The following BACE2 variants were observed in gnomAD, a reference collection of about 807,000 sequenced individuals.
The protein encoded by BACE2 is beta-secretase 2.
A neutral mutation model predicts 46.2 loss-of-function variants in BACE2; 17 were observed. That is an observed-to-expected ratio of 0.37 (90% CI 0.25 to 0.55). The LOEUF (loss-of-function observed/expected upper bound fraction) is 0.55, where lower values mean the gene tolerates loss of function less well. Ranked by LOEUF, BACE2 falls within the 20% of genes least tolerant of loss-of-function variation. BACE2 has a pLI of 0.82. For synonymous variants in BACE2, 277 were observed against 295.9 expected (o/e 0.94, Z 0.66); for missense variants, 595 against 698.1 (o/e 0.85, Z 1.66).
At chr21:41,187,641 T>C (rs1462761828) in intron 1 of BACE2, among the ~76,000 whole-genome samples, 1 of 152,232 alleles carries the variant, frequency 6.6e-6, no homozygotes, top group Non-Finnish European at 1.5e-5. Context: ...CATTGCTGTG[T>C]AGTTCCTTGA....
At chr21:41,169,840 T>C (rs996990730) in intron 1 of BACE2, among the ~76,000 whole-genome samples, 2 of 152,186 alleles carry the variant, frequency 1.3e-5, no homozygotes, top group Non-Finnish European at 2.9e-5. Flanking sequence ...TGAGTGATCT[T>C]TGCCATCTCC....
chr21:41,247,726 T>C (rs1466452248), intron 6 of BACE2, among the ~76,000 whole-genome samples: 1 of 152,178 alleles, frequency 6.6e-6, no homozygotes, highest in South Asian at 2.1e-4. Flanking sequence ...AACCACGAGG[T>C]AGAGGGAATG....
At chr21:41,233,637 A>G (rs968660171) in intron 2 of BACE2, among the ~76,000 whole-genome samples, 6 of 152,260 alleles carry the variant, frequency 3.9e-5, no homozygotes, top group Non-Finnish European at 8.8e-5. Context: ...AGGAAGTCAT[A>G]GCATTTTAGA....
At chr21:41,218,778 T>C in intron 1 of BACE2, among the ~76,000 whole-genome samples, 1 of 152,068 alleles carries the variant, frequency 6.6e-6, no homozygotes, top group Non-Finnish European at 1.5e-5. Context: ...CAAAAAGGCA[T>C]ATCATGAAAG....
chr21:41,250,723 G>A (rs1233857477), intron 6 of BACE2, 29 bp from the exon 7 acceptor site: 3 of 1,612,012 alleles, frequency 1.9e-6, no homozygotes, highest in Non-Finnish European at 1.7e-6. Context: ...GACTAGTCAT[G>A]GTTTCTGATG....
Position 41,226,290 on chromosome 21 carries a change from A to C in BACE2, c.337A>C (p.Ser113Arg). The C allele has an allele frequency of 6.2e-7, 1 of 1,614,024 alleles. No homozygotes were observed. The highest frequency in any genetic ancestry group is 8.5e-7 in the Non-Finnish European group (1 of 1,179,976). The change falls in exon 2 of 9, where the codon AGC (serine) becomes CGC (arginine). Residue 113 changes from serine (S) to arginine (R), a missense_variant. Ser to Arg is a moderately radical substitution (Grantham distance 110, BLOSUM62 -1). Around this residue, in one of 3 missense-constraint regions of BACE2, gnomAD observed 248 missense variants for 261.4 expected, o/e 0.95. Coordinates refer to ENST00000330333, the MANE Select transcript of BACE2 (RefSeq NM_012105.5). The part of the protein sequence containing the change: ...QKLQILVDTG[S>R]SNFAVAGTPH... ...GCTACAGATTCTCGTTGACACTGGA[A>C]GCAGTAACTTTGCCGTGGCAGGAAC...
At chr21:41,250,671 G>T in intron 6 of BACE2, 81 bp from the exon 7 acceptor site, 1 of 1,346,220 alleles carries the variant, frequency 7.4e-7, no homozygotes, top group African/African-American at 1.5e-5. Context: ...CATCTGGCGA[G>T]GTGGCTAGGA....
Position 41,193,102 on chromosome 21 carries a change from G to A in BACE2, c.312+24527G>A, listed in dbSNP as rs1372940871. Among the ~76,000 whole-genome samples the A allele has an allele frequency of 1.3e-5, 2 of 152,152 alleles. No individual in the cohort carries two copies. The highest frequency in any genetic ancestry group is 2.9e-5 in the Non-Finnish European group (2 of 68,028). Reference sequence around the variant, plus strand: ...TCAGCATAATGTCATCAAACTAATGGACCAGTGTGATATCTCGTGGAAACG... The same window carrying A: ...TCAGCATAATGTCATCAAACTAATGAACCAGTGTGATATCTCGTGGAAACG... On this transcript the variant is annotated intron_variant, in intron 1 of 8. Transcript: ENST00000330333. The surrounding 1 kb of genome is among the most constrained non-coding windows in gnomAD (Gnocchi z 4.2).
chr21:41,219,686 A>C (rs981518533), intron 1 of BACE2, among the ~76,000 whole-genome samples: 4 of 152,216 alleles, frequency 2.6e-5, no homozygotes, highest in African/African-American at 9.6e-5. Flanking sequence ...TGATACATGC[A>C]AGAATTACTC....
At chr21:41,188,186 A>C (rs73222246) in intron 1 of BACE2, among the ~76,000 whole-genome samples, 2,593 of 152,268 alleles carry the variant, frequency 0.017, 58 homozygotes, top group East Asian at 0.12. Context: ...GGCCGTGTTT[A>C]TAGAGAGTGG....
At chr21:41,239,290 C>G (rs1184428969) in intron 3 of BACE2, among the ~76,000 whole-genome samples, 1 of 152,192 alleles carries the variant, frequency 6.6e-6, no homozygotes, top group African/African-American at 2.4e-5. Context: ...TGAGAAGATA[C>G]AAGATAAGAT....
At chr21:41,176,618 T>C (rs1419047095) in intron 1 of BACE2, 1 of 152,190 alleles carries the variant, frequency 6.6e-6, no homozygotes, top group Non-Finnish European at 1.5e-5. Context: ...CTAGGTTAAG[T>C]GTTTCCTTCT....
chr21:41,238,954 T>TAAAAAAAAAAA (rs34474586), intron 3 of BACE2, among the ~76,000 whole-genome samples: 30 of 85,600 alleles, frequency 3.5e-4, no homozygotes, highest in Non-Finnish European at 4.6e-4. Flanking sequence ...AAAGTATAAT[T>TAAAAAAAAAAA]AAAAAAAAAA....
intron 1 of BACE2, among the ~76,000 whole-genome samples, chr21:41,201,938 T>A (rs1231029940): frequency 6.6e-6 from 1 of 152,210 alleles, no homozygotes; most frequent in African/African-American, 2.4e-5. Flanking sequence ...GTTTCAAAAC[T>A]TTGGTTGAAT....
chr21:41,220,857 A>G (rs1326879888), intron 1 of BACE2, among the ~76,000 whole-genome samples: 1 of 151,910 alleles, frequency 6.6e-6, no homozygotes, highest in Non-Finnish European at 1.5e-5. Context: ...TTCATTTACT[A>G]AAACGAAGAG....
intron 1 of BACE2, among the ~76,000 whole-genome samples, chr21:41,209,295 G>A (rs1480001154): frequency 2.6e-5 from 4 of 152,222 alleles, no homozygotes; most frequent in South Asian, 2.1e-4. Context: ...CCCTCCACTC[G>A]CCCGAGCCGG....
At chr21:41,265,724 C>A (rs1202924141) in intron 8 of BACE2, among the ~76,000 whole-genome samples, 1 of 152,062 alleles carries the variant, frequency 6.6e-6, no homozygotes, top group East Asian at 1.9e-4. Context: ...GAAAAAGAAC[C>A]TATAATTTCT....
intron 1 of BACE2, among the ~76,000 whole-genome samples, chr21:41,190,541 G>T (rs1397628958): frequency 6.6e-6 from 1 of 152,214 alleles, no homozygotes; most frequent in Non-Finnish European, 1.5e-5. Flanking sequence ...TCACGTGGTT[G>T]TAGCCGGTAT....
intron 8 of BACE2, among the ~76,000 whole-genome samples, chr21:41,264,275 A>T (rs1169288158): frequency 6.7e-6 from 1 of 148,906 alleles, no homozygotes; most frequent in African/African-American, 2.5e-5. Context: ...TAGAAATTGT[A>T]TCTCATACTT....
Sources: gnomAD v4.1 joint callset for allele counts (sites outside exome capture counted in the v4.1 genomes callset) on GRCh38, gnomAD v4.1.1 for gene constraint, gnomAD v4.1.1 regional missense constraint, Gnocchi (gnomAD v3.1) non-coding constraint, MANE v1.5 for transcripts, NCBI Gene and HGNC (gene_info 2026-07-23, HGNC 2026-07-21) for gene names.